Variants in MLLT3 observed in about 807,000 individuals in gnomAD.
MLLT3 encodes the protein MLLT3 super elongation complex subunit, also known as protein AF-9.
MLLT3 carries 4 observed loss-of-function variants against 53.2 expected under a neutral mutation model. The observed-to-expected ratio is 0.08, with a 90% CI of 0.04 to 0.17. The LOEUF (loss-of-function observed/expected upper bound fraction) is 0.17, where lower values mean the gene tolerates loss of function less well. Ranked by LOEUF, MLLT3 falls within the 10% of genes least tolerant of loss-of-function variation. MLLT3 has a pLI of 1.00. For missense variants in MLLT3, 569 were observed against 684.0 expected, an observed-to-expected ratio of 0.83 and a Z score of 1.87; for synonymous variants, 283 against 230.6, an observed-to-expected ratio of 1.23 and a Z score of -2.06.
At chr9:20,540,221 G>A (rs190407695) in intron 2 of MLLT3, among the ~76,000 whole-genome samples, 2 of 152,220 alleles carry the variant, frequency 1.3e-5, no homozygotes, top group Admixed American at 6.5e-5. Flanking sequence ...AGCTTTTCCT[G>A]GTGTACAGTG....
Position 20,581,197 on chromosome 9 carries a change from C to T in MLLT3, c.193+39457G>A, listed in dbSNP as rs76484017. ...GCAAAGTTCAACAATTCAGACATTG[C>T]TGTTTCTCAAGTTCTTTGATACACA... is the stretch of plus-strand genomic sequence containing the variant. On this transcript the variant is annotated intron_variant, in intron 2 of 10. Transcript: ENST00000380338. 2.9e-3 allele frequency among the ~76,000 whole-genome samples: 436 copies of T among 152,268 alleles called. 2 individuals carry two copies. The highest frequency in any genetic ancestry group is 9.9e-3 in the African/African-American group (413 of 41,540).
chr9:20,477,772 A>G (rs1824562913), intron 2 of MLLT3, among the ~76,000 whole-genome samples: 1 of 152,068 alleles, frequency 6.6e-6, no homozygotes, highest in Admixed American at 6.6e-5. Flanking sequence ...CCTAATCCCA[A>G]TGGTATGAGT....
chr9:20,348,341 T>A (rs1020827431), intron 10 of MLLT3, among the ~76,000 whole-genome samples: 2 of 152,198 alleles, frequency 1.3e-5, no homozygotes, highest in African/African-American at 4.8e-5. Flanking sequence ...AATTTATTTG[T>A]CAGAACTCAC....
chr9:20,377,732 A>G (rs1311362581), intron 5 of MLLT3, among the ~76,000 whole-genome samples: 2 of 152,126 alleles, frequency 1.3e-5, no homozygotes, highest in African/African-American at 4.8e-5. Flanking sequence ...TGAAACCTGG[A>G]TTTACTATCA....
intron 2 of MLLT3, among the ~76,000 whole-genome samples, chr9:20,601,118 G>T (rs900691615): frequency 1.4e-5 from 2 of 145,750 alleles, no homozygotes; most frequent in African/African-American, 5.2e-5. Flanking sequence ...ATTTGACAAC[G>T]TCAAAACGTC....
At chr9:20,615,867 G>T (rs1459232738) in intron 2 of MLLT3, among the ~76,000 whole-genome samples, 1 of 99,226 alleles carries the variant, frequency 1.0e-5, no homozygotes, top group African/African-American at 3.9e-5. Context: ...TTAAAACAAA[G>T]AGATTTGAAA....
intron 4 of MLLT3, among the ~76,000 whole-genome samples, chr9:20,428,899 G>A (rs767912807): frequency 3.2e-4 from 49 of 152,000 alleles, no homozygotes; most frequent in Non-Finnish European, 5.7e-4. Context: ...TGGGAAAAAT[G>A]TAACTTACCA....
chr9:20,521,229 T>C (rs1818049631), intron 2 of MLLT3, among the ~76,000 whole-genome samples: 1 of 152,064 alleles, frequency 6.6e-6, no homozygotes, highest in African/African-American at 2.4e-5. Flanking sequence ...CACCATCGCA[T>C]CCGGCTACTT....
intron 3 of MLLT3, among the ~76,000 whole-genome samples, chr9:20,451,514 G>A (rs1385099816): frequency 6.6e-6 from 1 of 152,062 alleles, no homozygotes; most frequent in Non-Finnish European, 1.5e-5. Context: ...TGAATCCTGA[G>A]TATGATTTTT....
At chr9:20,541,626 A>C (rs929350135) in intron 2 of MLLT3, among the ~76,000 whole-genome samples, 3 of 152,154 alleles carry the variant, frequency 2.0e-5, no homozygotes, top group Non-Finnish European at 2.9e-5. Flanking sequence ...CCCATGATCC[A>C]ATCAACACCC....
intron 2 of MLLT3, among the ~76,000 whole-genome samples, chr9:20,600,133 A>T (rs1441028036): frequency 2.1e-5 from 1 of 47,882 alleles, no homozygotes; most frequent in East Asian, 4.4e-4. Flanking sequence ...TCCAAAAAAA[A>T]AAAACAAAAA....
intron 4 of MLLT3, among the ~76,000 whole-genome samples, chr9:20,446,090 C>T (rs938374069): frequency 6.6e-6 from 1 of 151,884 alleles, no homozygotes; most frequent in Non-Finnish European, 1.5e-5. Flanking sequence ...TTTAATCTTC[C>T]CATATGAAAT....
chr9:20,463,730 T>G (rs554287857), intron 2 of MLLT3, among the ~76,000 whole-genome samples: 1 of 152,280 alleles, frequency 6.6e-6, no homozygotes, highest in East Asian at 1.9e-4. Flanking sequence ...GAAACAGACC[T>G]AATTTTTTAT....
At chr9:20,422,981 A>G (rs1198590024) in intron 4 of MLLT3, among the ~76,000 whole-genome samples, 1 of 152,188 alleles carries the variant, frequency 6.6e-6, no homozygotes, top group Non-Finnish European at 1.5e-5. Flanking sequence ...ATAAGTGAGG[A>G]AACTGAGGTA....
chr9:20,583,514 G>C (rs539503267), intron 2 of MLLT3, among the ~76,000 whole-genome samples: 1 of 152,272 alleles, frequency 6.6e-6, no homozygotes, highest in South Asian at 2.1e-4. Context: ...TTCTCCATGA[G>C]GGTCCCACCC....
At chr9:20,539,743 T>G (rs1365673293) in intron 2 of MLLT3, among the ~76,000 whole-genome samples, 1 of 152,140 alleles carries the variant, frequency 6.6e-6, no homozygotes, top group Middle Eastern at 3.2e-3. Flanking sequence ...CCCTCCCAAA[T>G]CTCATGACCT....
chr9:20,552,562 C>T (rs4977257), intron 2 of MLLT3, among the ~76,000 whole-genome samples: 127,403 of 151,850 alleles, frequency 0.84, 53,760 homozygotes, highest in Middle Eastern at 0.94. Context: ...GGTTTGAGAG[C>T]AGAAGAGGCG....
intron 5 of MLLT3, among the ~76,000 whole-genome samples, chr9:20,393,577 T>G (rs1453296796): frequency 1.3e-5 from 2 of 152,226 alleles, no homozygotes; most frequent in African/African-American, 4.8e-5. Flanking sequence ...CAGGTCTGAA[T>G]GTTTTAGGTT....
intron 8 of MLLT3, among the ~76,000 whole-genome samples, chr9:20,359,875 T>C (rs1220362866): frequency 2.0e-5 from 3 of 152,196 alleles, no homozygotes; most frequent in Admixed American, 1.3e-4. Context: ...GAAAAACTTA[T>C]GGTAATGAGA....
Sources: gnomAD v4.1 joint callset for allele counts (sites outside exome capture counted in the v4.1 genomes callset) on GRCh38, gnomAD v4.1.1 for gene constraint, MANE v1.5 for transcripts, NCBI Gene and HGNC (gene_info 2026-07-23, HGNC 2026-07-21) for gene names.